The following LONRF1 variants were observed in gnomAD, a reference collection of about 807,000 sequenced individuals.
LONRF1 encodes LON peptidase N-terminal domain and ring finger 1.
LONRF1 carries 37 observed loss-of-function variants against 85.8 expected under a neutral mutation model. That is an observed-to-expected ratio of 0.43 (90% CI 0.33 to 0.57). The LOEUF is 0.57. LONRF1 is among the 20% of genes least tolerant of loss of function. The pLI, the probability that LONRF1 is intolerant of heterozygous loss-of-function variation, is 0.04. For synonymous variants in LONRF1, 517 were observed against 390.1 expected, an observed-to-expected ratio of 1.33 and a Z score of -3.83; for missense variants, 1,036 against 978.0, an observed-to-expected ratio of 1.06 and a Z score of -0.79.
At chr8:12,745,807 T>C (rs976296204) in intron 1 of LONRF1, among the ~76,000 whole-genome samples, 3 of 152,258 alleles carry the variant, frequency 2.0e-5, no homozygotes, top group Non-Finnish European at 4.4e-5. Context: ...TGAATATGAC[T>C]GTGGTACTTA....
chr8:12,754,641 G>A (rs1799557602), intron 1 of LONRF1, 59 bp downstream of exon 1: 26 of 1,253,248 alleles, frequency 2.1e-5, no homozygotes, highest in Non-Finnish European at 2.6e-5. Flanking sequence ...CCGGGTCCCC[G>A]GCCCTCGGGG....
intron 1 of LONRF1, among the ~76,000 whole-genome samples, chr8:12,748,092 T>C (rs534188902): frequency 6.6e-6 from 1 of 152,376 alleles, no homozygotes; most frequent in African/African-American, 2.4e-5. Context: ...GCAATTAAGT[T>C]ACTTCCAACT....
chr8:12,730,727 T>C (rs1316209451), intron 8 of LONRF1, among the ~76,000 whole-genome samples: 3 of 152,342 alleles, frequency 2.0e-5, no homozygotes, highest in African/African-American at 7.2e-5. Context: ...CAATAAAATA[T>C]CAATTCTGTG....
chr8:12,739,017 C>G (rs1798828164), intron 3 of LONRF1, among the ~76,000 whole-genome samples: 1 of 152,038 alleles, frequency 6.6e-6, no homozygotes, highest in South Asian at 2.1e-4. Flanking sequence ...CTCAAATACT[C>G]CATTTAATAA....
intron 10 of LONRF1, among the ~76,000 whole-genome samples, chr8:12,727,942 A>AT: frequency 6.6e-6 from 1 of 152,326 alleles, no homozygotes; most frequent in East Asian, 1.9e-4. Context: ...TGCTTTAATC[A>AT]TTTTTGTTAC....
chr8:12,728,493 C>G (rs928779215), intron 10 of LONRF1, among the ~76,000 whole-genome samples: 2 of 152,214 alleles, frequency 1.3e-5, no homozygotes, highest in Non-Finnish European at 2.9e-5. Context: ...TCTACTAATT[C>G]CATCGGCTTC....
At chr8:12,747,015 G>A (rs369766923) in intron 1 of LONRF1, among the ~76,000 whole-genome samples, 58 of 152,296 alleles carry the variant, frequency 3.8e-4, no homozygotes, top group African/African-American at 1.3e-3. Context: ...TTAATTCAAA[G>A]ATGTTTGAAC....
intron 4 of LONRF1, 136 bp from the exon 5 acceptor site, chr8:12,737,276 T>C (rs1212393394): frequency 9.5e-7 from 1 of 1,050,792 alleles, no homozygotes; most frequent in Non-Finnish European, 1.4e-6. Context: ...ACTAACTTGA[T>C]TCCAACACTG....
Position 12,723,264 on chromosome 8 carries a change from A to G in LONRF1, c.2164-10T>C, listed in dbSNP as rs201539614. On this transcript the variant is annotated splice_polypyrimidine_tract_variant and intron_variant, in intron 11 of 11. Transcript: ENST00000398246. ...GTCCATTAGGGGCTGCCTAAAAACA[A>G]TGGACAGTTTATAGCATTAATAAAA... 2.6e-5 allele frequency: 42 copies of G among 1,601,840 alleles called. No homozygotes were observed. Among genetic ancestry groups the G allele is most frequent in the Non-Finnish European group, 3.3e-5 (39 of 1,176,366 alleles).
chr8:12,735,358 G>A lies in LONRF1; in HGVS notation c.1494C>T (p.Phe498=), dbSNP rs777771932. 3 of 1,607,944 alleles carry A rather than the reference G, an allele frequency of 1.9e-6. No individual in the cohort carries two copies. The highest frequency in any genetic ancestry group is 1.7e-6 in the Non-Finnish European group (2 of 1,176,482). Residue 498 remains phenylalanine (F), a synonymous_variant, in exon 7 of 12, where the codon TTC becomes TTT. Coordinates refer to ENST00000398246, the MANE Select transcript of LONRF1 (RefSeq NM_152271.5). ...AACAACGCTCAAGACAATTCTTACA[G>A]AACGAATGTCCGCAAGGGGTTGTTA... ...EPVTTPCGHS[F]CKNCLERCLD... is the part of the protein sequence containing the mutation.
At chr8:12,725,978 GCAATAC>G in intron 10 of LONRF1, 99 bp from the exon 11 acceptor site, 1 of 1,070,784 alleles carries the variant, frequency 9.3e-7, no homozygotes, top group African/African-American at 1.6e-5. Context: ...GAAGAACAGG[GCAATAC>G]CTGTTTCAGT....
intron 8 of LONRF1, 141 bp from the exon 9 acceptor site, chr8:12,729,473 T>C: frequency 2.5e-6 from 2 of 798,948 alleles, no homozygotes; most frequent in Non-Finnish European, 3.9e-6. Context: ...GTGGTTTTTA[T>C]TCTTGGCAAG....
At chr8:12,724,343 A>C (rs1313194771) in intron 11 of LONRF1, among the ~76,000 whole-genome samples, 7 of 152,160 alleles carry the variant, frequency 4.6e-5, no homozygotes, top group Admixed American at 4.6e-4. Flanking sequence ...CTGTAGACTG[A>C]GACAGTGGTG....
intron 1 of LONRF1, among the ~76,000 whole-genome samples, chr8:12,747,863 T>C (rs7464076): frequency 6.6e-6 from 1 of 152,318 alleles, no homozygotes; most frequent in Middle Eastern, 3.4e-3. Context: ...TTCTGTCTGG[T>C]CTGCTGGTGC....
At chr8:12,727,658 G>C (rs1020102054) in intron 10 of LONRF1, among the ~76,000 whole-genome samples, 45 of 152,180 alleles carry the variant, frequency 3.0e-4, no homozygotes, top group African/African-American at 1.1e-3. Context: ...AATAAGTGAA[G>C]ACATAAATTT....
intron 8 of LONRF1, among the ~76,000 whole-genome samples, chr8:12,731,219 C>G (rs1041954200): frequency 6.6e-6 from 1 of 152,112 alleles, no homozygotes; most frequent in Non-Finnish European, 1.5e-5. Context: ...TTCACCCTCC[C>G]GACACCAACT....
At chr8:12,734,531 T>A (rs963914843) in intron 7 of LONRF1, among the ~76,000 whole-genome samples, 4 of 152,162 alleles carry the variant, frequency 2.6e-5, no homozygotes, top group African/African-American at 9.7e-5. Flanking sequence ...TGATCTGCAG[T>A]CACTCAAGCA....
chr8:12,751,141 T>C (rs1278814337), intron 1 of LONRF1, among the ~76,000 whole-genome samples: 1 of 152,142 alleles, frequency 6.6e-6, no homozygotes, highest in Non-Finnish European at 1.5e-5. Flanking sequence ...CTTTAATCAC[T>C]AAGCCACACT....
chr8:12,751,300 T>TTTTTTTTTTTGTTTC (rs1554469352), intron 1 of LONRF1, among the ~76,000 whole-genome samples: 3 of 83,784 alleles, frequency 3.6e-5, no homozygotes, highest in African/African-American at 1.1e-4. Flanking sequence ...TTTTATGTTT[T>TTTTTTTTTTTGTTTC]TTTTTTTTTT....
Sources: allele counts gnomAD v4.1 joint callset (sites outside exome capture counted in the v4.1 genomes callset), GRCh38; gene constraint gnomAD v4.1.1; transcripts MANE v1.5; gene names NCBI Gene and HGNC (gene_info 2026-07-23, HGNC 2026-07-21).